Variants in RYR2 observed in about 807,000 individuals in gnomAD.
RYR2 encodes the protein ryanodine receptor 2.
Under a neutral mutation model 601.1 loss-of-function variants are expected in RYR2, and 227 were observed. The ratio of observed to expected loss-of-function variants is 0.38; its 90% CI spans 0.34 to 0.42. The LOEUF (loss-of-function observed/expected upper bound fraction) is 0.42, where lower values mean the gene tolerates loss of function less well. Ranked by LOEUF, RYR2 falls within the 10% of genes least tolerant of loss-of-function variation. RYR2 has a pLI of 1.00. For missense variants in RYR2, 4,646 were observed against 6,156.5 expected, an observed-to-expected ratio of 0.75 and a Z score of 8.21; for synonymous variants, 2,223 against 2,175.1, an observed-to-expected ratio of 1.02 and a Z score of -0.61.
At chr1:237,124,593 G>T (rs1020481209) in intron 1 of RYR2, among the ~76,000 whole-genome samples, 1 of 152,068 alleles carries the variant, frequency 6.6e-6, no homozygotes, top group African/African-American at 2.4e-5. Flanking sequence ...AGCATTCCGG[G>T]GCCAGCTATG....
At chr1:237,234,963 T>C (rs1685407787) in intron 1 of RYR2, among the ~76,000 whole-genome samples, 1 of 152,124 alleles carries the variant, frequency 6.6e-6, no homozygotes, top group Non-Finnish European at 1.5e-5. Context: ...CCTCTATTGT[T>C]AATGATAGAA....
chr1:237,283,122 G>A (rs938718680), intron 2 of RYR2, among the ~76,000 whole-genome samples: 26 of 152,112 alleles, frequency 1.7e-4, no homozygotes, highest in African/African-American at 4.3e-4. Context: ...AGACCCTTGC[G>A]CGTTCTTCAC....
intron 1 of RYR2, among the ~76,000 whole-genome samples, chr1:237,182,432 T>G (rs1245287730): frequency 6.6e-6 from 1 of 152,206 alleles, no homozygotes; most frequent in African/African-American, 2.4e-5. Context: ...CTGGGGCTTC[T>G]TTTTAATCAT....
chr1:237,360,029 A>C (rs1389982299), intron 4 of RYR2, among the ~76,000 whole-genome samples: 2 of 152,216 alleles, frequency 1.3e-5, no homozygotes, highest in East Asian at 3.8e-4. Flanking sequence ...AAATATGATG[A>C]TGCTGTTGTA....
chr1:237,210,638 T>G (rs2149092253), intron 1 of RYR2, among the ~76,000 whole-genome samples: 1 of 152,320 alleles, frequency 6.6e-6, no homozygotes, highest in East Asian at 1.9e-4. Flanking sequence ...GTCTTTGTTT[T>G]TTCTCATAGT....
chr1:237,216,677 C>T (rs1683190155), intron 1 of RYR2, among the ~76,000 whole-genome samples: 3 of 150,734 alleles, frequency 2.0e-5, no homozygotes, highest in Admixed American at 2.0e-4. Flanking sequence ...GTGGAGGTTG[C>T]AGTGAGCGAG....
Position 237,833,211 on chromosome 1 carries a change from AG to A in RYR2, c.*566del, listed in dbSNP as rs946069846. ...TTTCTTTTCTTAGATTGATTTTGTG[AG>A]GTTTTTTTTTTTTCCTTTAGTCTTT... is the stretch of plus-strand genomic sequence containing the variant. On this transcript the variant is annotated 3_prime_UTR_variant, in exon 105 of 105. Transcript: ENST00000366574. 1.4e-5 allele frequency: 2 copies of A among 145,896 alleles called. No homozygotes were observed. The highest frequency in any genetic ancestry group is 5.1e-5 in the African/African-American group (2 of 39,352). The allele number at this position is 145,896 out of a possible 1,614,324, so 9.0% of individuals were successfully genotyped here.
rs185162456 is a variant in RYR2, at chr1:237,532,668, A to G, written c.2906+2158A>G. 9.0e-3 allele frequency among the ~76,000 whole-genome samples: 1,365 copies of G among 152,320 alleles called. 21 individuals carry two copies. Among genetic ancestry groups the G allele is most frequent in the African/African-American group, 0.031 (1,286 of 41,574 alleles). ...CTTTTACTCAGAAGAATAAGAAAGT[A>G]GAAATGTTAATTTCACATTATCTTT... is the stretch of plus-strand genomic sequence containing the variant. On this transcript the variant is annotated intron_variant, in intron 25 of 104. Transcript: ENST00000366574.
At chr1:237,236,905 C>T (rs1208071829) in intron 1 of RYR2, among the ~76,000 whole-genome samples, 6 of 152,116 alleles carry the variant, frequency 3.9e-5, no homozygotes, top group South Asian at 4.1e-4. Flanking sequence ...AGTAGTGATA[C>T]GGTTTTGCTC....
chr1:237,599,087 A>T (rs1676210745), intron 34 of RYR2, among the ~76,000 whole-genome samples: 2 of 152,208 alleles, frequency 1.3e-5, no homozygotes, highest in Non-Finnish European at 2.9e-5. Context: ...CTTATGAAGA[A>T]ATAGAAAATC....
intron 8 of RYR2, among the ~76,000 whole-genome samples, chr1:237,383,485 A>G (rs1016567924): frequency 5.9e-5 from 7 of 119,244 alleles, no homozygotes; most frequent in Non-Finnish European, 8.0e-5. Flanking sequence ...GCTGGAGTAC[A>G]GGGGCACGAT....
chr1:237,048,746 G>A (rs1660893979), intron 1 of RYR2, among the ~76,000 whole-genome samples: 1 of 152,136 alleles, frequency 6.6e-6, no homozygotes, highest in African/African-American at 2.4e-5. Flanking sequence ...TGCTCTGTGG[G>A]TGAGTTGGGA....
intron 1 of RYR2, among the ~76,000 whole-genome samples, chr1:237,166,528 A>C (rs1676732907): frequency 6.6e-6 from 1 of 152,098 alleles, no homozygotes; most frequent in Non-Finnish European, 1.5e-5. Flanking sequence ...ACTCTATAGT[A>C]AGTGAAATTG....
chr1:237,733,948 T>C (rs548179281), intron 79 of RYR2, among the ~76,000 whole-genome samples, 192 bp downstream of exon 79: 43 of 152,360 alleles, frequency 2.8e-4, no homozygotes, highest in African/African-American at 9.1e-4. Flanking sequence ...GAGCCATAAC[T>C]TTTTCTAAAC....
chr1:237,694,058 G>C (rs1366240901), intron 63 of RYR2, among the ~76,000 whole-genome samples: 3 of 152,154 alleles, frequency 2.0e-5, no homozygotes, highest in African/African-American at 7.2e-5. Context: ...ACTCTGGGAG[G>C]CTGAGGCGGG....
chr1:237,469,568 T>C (rs766084673), intron 17 of RYR2, among the ~76,000 whole-genome samples: 3 of 152,194 alleles, frequency 2.0e-5, no homozygotes, highest in Non-Finnish European at 4.4e-5. Flanking sequence ...CAATATCATG[T>C]CCATTTATAT....
chr1:237,672,629 T>C (rs765385952), intron 58 of RYR2, among the ~76,000 whole-genome samples: 1 of 152,218 alleles, frequency 6.6e-6, no homozygotes, highest in Non-Finnish European at 1.5e-5. Flanking sequence ...CTCTTGTAGC[T>C]ATTTGAAAAT....
intron 84 of RYR2, among the ~76,000 whole-genome samples, chr1:237,766,499 A>G (rs1693859046): frequency 6.6e-6 from 1 of 152,232 alleles, no homozygotes. Flanking sequence ...ACAGTTAAAG[A>G]AATCCATCTG....
intron 30 of RYR2, among the ~76,000 whole-genome samples, chr1:237,590,206 C>CTTTTTT (rs11307093): frequency 6.8e-6 from 1 of 147,604 alleles, no homozygotes; most frequent in Non-Finnish European, 1.5e-5. Flanking sequence ...GCTTTCAATT[C>CTTTTTT]TTTTTTTTTT....
Sources: gnomAD v4.1 joint callset for allele counts (sites outside exome capture counted in the v4.1 genomes callset) on GRCh38, gnomAD v4.1.1 for gene constraint, MANE v1.5 for transcripts, NCBI Gene and HGNC (gene_info 2026-07-23, HGNC 2026-07-21) for gene names.